The following KIAA1328 variants were observed in gnomAD, a reference collection of about 807,000 sequenced individuals.
KIAA1328 encodes KIAA1328.
KIAA1328 carries 52 observed loss-of-function variants against 68.1 expected under a neutral mutation model. The observed-to-expected ratio is 0.76, with a 90% CI of 0.61 to 0.96. The LOEUF (loss-of-function observed/expected upper bound fraction) is 0.96, where lower values mean the gene tolerates loss of function less well. Ranked by LOEUF, KIAA1328 falls within the 40% of genes least tolerant of loss-of-function variation. The pLI is 0.00. For missense variants in KIAA1328, 641 were observed against 677.6 expected, an observed-to-expected ratio of 0.95 and a Z score of 0.60; for synonymous variants, 232 against 239.4, an observed-to-expected ratio of 0.97 and a Z score of 0.28.
intron 5 of KIAA1328, among the ~76,000 whole-genome samples, chr18:36,893,510 A>C (rs1286111249): frequency 7.5e-6 from 1 of 133,046 alleles, no homozygotes; most frequent in Non-Finnish European, 1.7e-5. Context: ...TATGTGAGAC[A>C]AGGGTCTCAT....
chr18:36,864,923 A>G (rs1415599986), intron 4 of KIAA1328, among the ~76,000 whole-genome samples: 1 of 150,710 alleles, frequency 6.6e-6, no homozygotes, highest in Admixed American at 6.6e-5. Context: ...CATTTCTGAC[A>G]GTGATTTGTT....
intron 1 of KIAA1328, among the ~76,000 whole-genome samples, chr18:36,830,522 T>C (rs1371644661): frequency 6.6e-6 from 1 of 152,206 alleles, no homozygotes; most frequent in African/African-American, 2.4e-5. Context: ...GAGGAGATAC[T>C]TGAAGGTTAT....
At chr18:36,862,358 C>T (rs949082981) in intron 4 of KIAA1328, among the ~76,000 whole-genome samples, 4 of 152,164 alleles carry the variant, frequency 2.6e-5, no homozygotes, top group Non-Finnish European at 5.9e-5. Context: ...TACTTTCTTT[C>T]CTATCTGCCT....
In KIAA1328 at chr18:36,834,372, T is replaced by C; in HGVS notation, c.94+17T>C. The C allele has an allele frequency of 1.3e-6, 2 of 1,575,454 alleles. No homozygotes were observed. Among genetic ancestry groups the C allele is most frequent in the Non-Finnish European group, 1.7e-6 (2 of 1,162,536 alleles). On this transcript the variant is annotated intron_variant, in intron 2 of 9. Transcript: ENST00000280020. ...ACGTTCCAGGTATGATTTTCTATGTTAAAATTTGGGAAGCTTACTTTGGTC... is the reference window on the plus strand; with the variant it reads ...ACGTTCCAGGTATGATTTTCTATGTCAAAATTTGGGAAGCTTACTTTGGTC...
At chr18:36,992,019 G>A (rs1598912982) in intron 6 of KIAA1328, among the ~76,000 whole-genome samples, 1 of 152,198 alleles carries the variant, frequency 6.6e-6, no homozygotes, top group Admixed American at 6.5e-5. Flanking sequence ...CAGATTATTA[G>A]TGGAGTTGAA....
intron 4 of KIAA1328, among the ~76,000 whole-genome samples, chr18:36,855,818 A>G (rs1024864892): frequency 6.3e-4 from 95 of 151,872 alleles, no homozygotes; most frequent in African/African-American, 2.2e-3. Flanking sequence ...TTTAACTATT[A>G]TATTGAAGTA....
At chr18:37,017,026 CTT>C (rs2054176117) in intron 6 of KIAA1328, among the ~76,000 whole-genome samples, 1 of 152,022 alleles carries the variant, frequency 6.6e-6, no homozygotes, top group African/African-American at 2.4e-5. Flanking sequence ...TTAGTTTGCT[CTT>C]GTTTCTCTAG....
intron 7 of KIAA1328, among the ~76,000 whole-genome samples, chr18:37,117,095 CAG>C (rs2058131070): frequency 6.6e-6 from 1 of 152,176 alleles, no homozygotes; most frequent in Non-Finnish European, 1.5e-5. Context: ...TTGTGAAAGA[CAG>C]TGTGGCGATT....
intron 5 of KIAA1328, among the ~76,000 whole-genome samples, chr18:36,886,679 CTAAAGT>C (rs1165799322): frequency 1.3e-5 from 2 of 152,120 alleles, no homozygotes; most frequent in Non-Finnish European, 2.9e-5. Flanking sequence ...AGAGAAGTCC[CTAAAGT>C]TAGAGTGATG....
chr18:36,971,891 AAGAT>A lies in KIAA1328; in HGVS notation c.576+12458_576+12461del, dbSNP rs533124829. Among the ~76,000 whole-genome samples, 619 of 152,272 alleles carry A rather than the reference AAGAT, an allele frequency of 4.1e-3. 5 individuals carry two copies. The highest frequency in any genetic ancestry group is 6.6e-3 in the Non-Finnish European group (451 of 68,022). On this transcript the variant is annotated intron_variant, in intron 6 of 9. Coordinates refer to ENST00000280020, the MANE Select transcript of KIAA1328 (RefSeq NM_020776.3). ...GTGGGAGGAAGGAGAGAAGAAGAAA[AAGAT>A]AACTATGGGTACTGTGCTTGTTACC...
chr18:36,959,356 A>G lies in KIAA1328; in HGVS notation c.497A>G (p.Gln166Arg), dbSNP rs376103134. The G allele has an allele frequency of 1.3e-5, 21 of 1,606,880 alleles. No homozygotes were observed. The African/African-American group carries it at 2.5e-4, about 19-fold the overall frequency. ...TGCCAAGAACTTCTAAGCCTGTATC[A>G]GAAATATTTATCAGAACAACAGGAG... The part of the protein sequence containing the change: ...RECQELLSLY[Q>R]KYLSEQQEKL... Residue 166 changes from glutamine (Q) to arginine (R), a missense_variant, in exon 6 of 10, where the codon CAG becomes CGG. Transcript: ENST00000280020.
chr18:36,983,854 C>T (rs2052796822), intron 6 of KIAA1328, among the ~76,000 whole-genome samples: 1 of 151,948 alleles, frequency 6.6e-6, no homozygotes, highest in South Asian at 2.1e-4. Context: ...AAATTCTAAA[C>T]AAAATTTTTA....
intron 4 of KIAA1328, among the ~76,000 whole-genome samples, chr18:36,860,081 A>T (rs2047514821): frequency 6.6e-6 from 1 of 152,054 alleles, no homozygotes; most frequent in Admixed American, 6.6e-5. Flanking sequence ...TTGTAAACAA[A>T]TTGGGGATCT....
chr18:37,031,228 T>A (rs1345558191), intron 6 of KIAA1328, among the ~76,000 whole-genome samples: 4 of 152,198 alleles, frequency 2.6e-5, no homozygotes, highest in Admixed American at 2.0e-4. Context: ...TCTGTATGCC[T>A]ATTGAATTTT....
chr18:37,178,559 T>C (rs2059638917), intron 9 of KIAA1328, among the ~76,000 whole-genome samples: 1 of 151,182 alleles, frequency 6.6e-6, no homozygotes, highest in Admixed American at 6.6e-5. Flanking sequence ...TGTAGATATC[T>C]CTTTGACATA....
At chr18:37,020,144 G>A (rs2054292043) in intron 6 of KIAA1328, among the ~76,000 whole-genome samples, 1 of 151,786 alleles carries the variant, frequency 6.6e-6, no homozygotes, top group South Asian at 2.1e-4. Context: ...TTTTTTTGGA[G>A]ACAGAGTCTC....
intron 6 of KIAA1328, among the ~76,000 whole-genome samples, chr18:37,034,594 C>T (rs2054956586): frequency 6.6e-6 from 1 of 152,092 alleles, no homozygotes; most frequent in African/African-American, 2.4e-5. Context: ...ATACAAATAA[C>T]CTTGAGTTCA....
chr18:37,148,942 T>C (rs545362523), intron 7 of KIAA1328, among the ~76,000 whole-genome samples: 2 of 152,282 alleles, frequency 1.3e-5, no homozygotes, highest in East Asian at 3.9e-4. Context: ...GATGATAGTT[T>C]CCTTTGCTGT....
At position 37,078,291 on chromosome 18, in the gene KIAA1328, G is replaced by A. The variant is rs766624127; in HGVS notation, c.1232+10746G>A. 2.5e-3 allele frequency among the ~76,000 whole-genome samples: 372 copies of A among 148,374 alleles called. 2 individuals are homozygous for A. The highest frequency in any genetic ancestry group is 0.014 in the Middle Eastern group (4 of 290). Reference sequence around the variant, plus strand: ...GGCTAGCCATATGTAGAAAGCTGAAGCTGGATCCCTTCCTTACACCTTATA... The same window carrying A: ...GGCTAGCCATATGTAGAAAGCTGAAACTGGATCCCTTCCTTACACCTTATA... On this transcript the variant is annotated intron_variant, in intron 7 of 9. Coordinates refer to ENST00000280020, the MANE Select transcript of KIAA1328 (RefSeq NM_020776.3).
Sources: allele counts gnomAD v4.1 joint callset (sites outside exome capture counted in the v4.1 genomes callset), GRCh38; gene constraint gnomAD v4.1.1; transcripts MANE v1.5; gene names NCBI Gene and HGNC (gene_info 2026-07-23, HGNC 2026-07-21).